The following HS3ST1 variants were observed in gnomAD, a reference collection of about 807,000 sequenced individuals.
HS3ST1 encodes heparan sulfate glucosamine 3-O-sulfotransferase 1.
A neutral mutation model predicts 20.7 loss-of-function variants in HS3ST1; 8 were observed. The ratio of observed to expected loss-of-function variants is 0.39; its 90% CI spans 0.23 to 0.70. The LOEUF is 0.70. Among genes scored for constraint, HS3ST1 ranks in the 30% least tolerant of loss-of-function variants. The pLI is 0.46. For synonymous variants in HS3ST1, 205 were observed against 190.4 expected (o/e 1.08, Z -0.63); for missense variants, 436 against 423.4 (o/e 1.03, Z -0.26).
At position 11,394,461 on chromosome 4, in the gene HS3ST1, G is replaced by C. The variant is rs1283674755; in HGVS notation, c.*4621C>G. ...GCCTTCTCTCACTGTGTGCTGTTTG[G>C]AGAACTCTGTTATGTTGCTCTGGCC... On this transcript the variant is annotated 3_prime_UTR_variant, in exon 2 of 2. Transcript: ENST00000002596. The C allele has an allele frequency of 6.6e-6, 1 of 152,232 alleles. No homozygotes were observed. Among genetic ancestry groups the C allele is most frequent in the Non-Finnish European group, 1.5e-5 (1 of 68,042 alleles). The allele number at this position is 152,232 out of a possible 1,614,324, so 9.4% of individuals were successfully genotyped here.
intron 1 of HS3ST1, among the ~76,000 whole-genome samples, chr4:11,419,079 T>A (rs1718859019): frequency 6.6e-6 from 1 of 151,858 alleles, no homozygotes; most frequent in East Asian, 2.0e-4. Context: ...TCACTGGACT[T>A]CTATGCTCTT....
chr4:11,400,536 G>A (rs1718295863), intron 1 of HS3ST1, among the ~76,000 whole-genome samples: 2 of 152,126 alleles, frequency 1.3e-5, no homozygotes, highest in Non-Finnish European at 1.5e-5. Flanking sequence ...GGCCAGGTTT[G>A]CCTCCCTAGT....
At chr4:11,430,257 C>T (rs1719178283), upstream of HS3ST1, among the ~76,000 whole-genome samples, 1 of 151,876 alleles carries the variant, frequency 6.6e-6, no homozygotes, top group South Asian at 2.1e-4. Flanking sequence ...ACCTTGTCTA[C>T]TTCTTTTAGT....
At chr4:11,431,481 A>C (rs941853729), upstream of HS3ST1, among the ~76,000 whole-genome samples, 3 of 152,162 alleles carry the variant, frequency 2.0e-5, no homozygotes, top group Non-Finnish European at 4.4e-5. Context: ...AAGATCTCGA[A>C]GTCTTTATTG....
chr4:11,430,601 G>A (rs1370850467), upstream of HS3ST1, among the ~76,000 whole-genome samples: 1 of 152,134 alleles, frequency 6.6e-6, no homozygotes, highest in African/African-American at 2.4e-5. Context: ...AAGTGCTTTG[G>A]TGCCATAGTA....
intron 1 of HS3ST1, among the ~76,000 whole-genome samples, chr4:11,405,305 T>A (rs1718435623): frequency 6.6e-6 from 1 of 152,184 alleles, no homozygotes; most frequent in African/African-American, 2.4e-5. Flanking sequence ...TTGAAAAGAT[T>A]AAGGTCCTTC....
At chr4:11,400,190 G>A in intron 1 of HS3ST1, 77 bp from the exon 2 acceptor site, 2 of 1,250,266 alleles carry the variant, frequency 1.6e-6, no homozygotes, top group East Asian at 2.7e-5. Flanking sequence ...TAGCCACTCT[G>A]TAGTGAGGCC....
intron 1 of HS3ST1, among the ~76,000 whole-genome samples, chr4:11,416,986 T>C (rs1718801502): frequency 6.6e-6 from 1 of 152,178 alleles, no homozygotes; most frequent in African/African-American, 2.4e-5. Context: ...GGGGTGTGAA[T>C]GCTCACATTC....
At chr4:11,411,456 G>T (rs1718632144) in intron 1 of HS3ST1, among the ~76,000 whole-genome samples, 2 of 152,076 alleles carry the variant, frequency 1.3e-5, no homozygotes, top group African/African-American at 4.8e-5. Flanking sequence ...GATGCTTCAG[G>T]TTCTACAAGT....
Position 11,399,030 on chromosome 4 carries a change from A to T in HS3ST1, c.*52T>A. ...TTTTTAAAATTCTTTTTCCCCTCAG[A>T]TGTACACCAGAACTTACAGTAGGAA... On this transcript the variant is annotated 3_prime_UTR_variant, in exon 2 of 2. Transcript: ENST00000002596. The surrounding 1 kb of genome is among the most constrained non-coding windows in gnomAD (Gnocchi z 5.1). 6.8e-7 allele frequency: 1 copy of T among 1,472,144 alleles called. No homozygotes were observed. Among genetic ancestry groups the T allele is most frequent in the South Asian group, 1.3e-5 (1 of 79,038 alleles). The allele number at this position is 1,472,144 out of a possible 1,614,324, so 91.2% of individuals were successfully genotyped here.
intron 1 of HS3ST1, among the ~76,000 whole-genome samples, chr4:11,415,570 TAAAG>T (rs1403331025): frequency 1.3e-5 from 2 of 152,092 alleles, no homozygotes; most frequent in Non-Finnish European, 2.9e-5. Flanking sequence ...TTGTCATAAG[TAAAG>T]AAAGAAACAA....
intron 1 of HS3ST1, among the ~76,000 whole-genome samples, chr4:11,418,107 G>A (rs1390660754): frequency 2.6e-5 from 4 of 152,190 alleles, no homozygotes; most frequent in Non-Finnish European, 5.9e-5. Context: ...TCTCTTCTCA[G>A]CCCCTCTGCA....
intron 1 of HS3ST1, among the ~76,000 whole-genome samples, chr4:11,411,225 A>C (rs1469545212): frequency 6.6e-6 from 1 of 152,210 alleles, no homozygotes; most frequent in African/African-American, 2.4e-5. Context: ...GAAAGAGCTC[A>C]AGGGGAAAAC....
At chr4:11,424,651 A>G (rs1355424728) in intron 1 of HS3ST1, among the ~76,000 whole-genome samples, 1 of 152,338 alleles carries the variant, frequency 6.6e-6, no homozygotes, top group East Asian at 1.9e-4. Context: ...ATGGTGTTGC[A>G]GAAAAGGCAC....
At chr4:11,421,075 A>T (rs532639202) in intron 1 of HS3ST1, among the ~76,000 whole-genome samples, 1 of 152,352 alleles carries the variant, frequency 6.6e-6, no homozygotes, top group South Asian at 2.1e-4. Context: ...AAATTGAATT[A>T]GGTGTTCCGT....
At chr4:11,428,073 G>A (rs934872847) in intron 1 of HS3ST1, among the ~76,000 whole-genome samples, 1 of 152,038 alleles carries the variant, frequency 6.6e-6, no homozygotes, top group Non-Finnish European at 1.5e-5. Flanking sequence ...CACGAAGGGG[G>A]AAAAAAATCA....
chr4:11,419,549 G>C (rs927502979), intron 1 of HS3ST1, among the ~76,000 whole-genome samples: 2 of 151,970 alleles, frequency 1.3e-5, no homozygotes, highest in Non-Finnish European at 2.9e-5. Context: ...CCTAGATGAC[G>C]GGTTGATGGG....
chr4:11,402,001 A>G (rs1718339430), intron 1 of HS3ST1, among the ~76,000 whole-genome samples: 1 of 152,214 alleles, frequency 6.6e-6, no homozygotes, highest in Non-Finnish European at 1.5e-5. Context: ...AGCGTAAGAG[A>G]CAGGCCTGGC....
intron 1 of HS3ST1, among the ~76,000 whole-genome samples, chr4:11,405,429 C>A (rs1388764908): frequency 6.6e-6 from 1 of 152,154 alleles, no homozygotes; most frequent in East Asian, 1.9e-4. Context: ...GCTTCCCTTG[C>A]ACTTGGAATT....
Sources: allele counts gnomAD v4.1 joint callset (sites outside exome capture counted in the v4.1 genomes callset), GRCh38; gene constraint gnomAD v4.1.1; non-coding constraint Gnocchi (gnomAD v3.1); transcripts MANE v1.5; gene names NCBI Gene and HGNC (gene_info 2026-07-23, HGNC 2026-07-21).